SYT17: variants seen among roughly 807,000 people sequenced by gnomAD.
The protein encoded by SYT17 is synaptotagmin 17.
SYT17 carries 22 observed loss-of-function variants against 46.7 expected under a neutral mutation model. That is an observed-to-expected ratio of 0.47 (90% CI 0.34 to 0.67). The LOEUF is 0.67. Among genes scored for constraint, SYT17 ranks in the 30% least tolerant of loss-of-function variants. SYT17 has a pLI of 0.01. For missense variants in SYT17, 519 were observed against 612.8 expected (o/e 0.85, Z 1.62); for synonymous variants, 251 against 248.4 (o/e 1.01, Z -0.10).
At chr16:19,265,640 A>G (rs1289291687) in intron 7 of SYT17, among the ~76,000 whole-genome samples, 1 of 152,204 alleles carries the variant, frequency 6.6e-6, no homozygotes, top group Non-Finnish European at 1.5e-5. Context: ...TGCTCGGCTC[A>G]CGCTGGGTGA....
intron 5 of SYT17, chr16:19,211,496 G>T (rs1258366730): frequency 1.4e-6 from 1 of 703,798 alleles, no homozygotes; most frequent in Non-Finnish European, 2.6e-6. Flanking sequence ...GTGGTGTGAT[G>T]GGAAATGATG....
At chr16:19,211,301 A>G (rs989481811) in intron 5 of SYT17, 8 of 653,248 alleles carry the variant, frequency 1.2e-5, no homozygotes, top group Non-Finnish European at 1.7e-5. Context: ...CAGGGGGTGG[A>G]ACATCGTGCT....
In SYT17 at chr16:19,196,611, G is replaced by A. The variant is rs148800837; in HGVS notation, c.951+12464G>A. On this transcript the variant is annotated intron_variant, in intron 5 of 7. Coordinates refer to ENST00000355377, the MANE Select transcript of SYT17 (RefSeq NM_016524.4). ...TCTCAGGTTTATAGGAAAATTGAGA[G>A]GAAGGGACAAAGGTTTCCCATATAC... 2.9e-3 allele frequency among the ~76,000 whole-genome samples: 441 copies of A among 152,102 alleles called. 1 individual carries two copies. Among genetic ancestry groups the A allele is most frequent in the African/African-American group, 0.01 (419 of 41,472 alleles).
At chr16:19,195,573 G>T (rs1244245222) in intron 5 of SYT17, among the ~76,000 whole-genome samples, 2 of 151,874 alleles carry the variant, frequency 1.3e-5, no homozygotes, top group African/African-American at 4.8e-5. Context: ...AAAATTAGCT[G>T]GGCATGGTGG....
intron 7 of SYT17, among the ~76,000 whole-genome samples, chr16:19,235,871 T>C (rs559726719): frequency 3.9e-4 from 59 of 152,016 alleles, no homozygotes; most frequent in African/African-American, 1.4e-3. Flanking sequence ...CGAAGACAGA[T>C]CCAGAGAAAT....
At chr16:19,239,832 G>A (rs1467900522) in intron 7 of SYT17, among the ~76,000 whole-genome samples, 1 of 152,240 alleles carries the variant, frequency 6.6e-6, no homozygotes, top group African/African-American at 2.4e-5. Flanking sequence ...AGAGACTGGA[G>A]CAGAGTAGCA....
intron 7 of SYT17, among the ~76,000 whole-genome samples, chr16:19,228,721 G>T (rs187757198): frequency 6.6e-6 from 1 of 152,354 alleles, no homozygotes; most frequent in Admixed American, 6.5e-5. Flanking sequence ...TCTTAAGCCA[G>T]TATGTATCTC....
At chr16:19,193,318 C>G (rs1205607272) in intron 5 of SYT17, among the ~76,000 whole-genome samples, 8 of 152,188 alleles carry the variant, frequency 5.3e-5, no homozygotes, top group Non-Finnish European at 1.2e-4. Flanking sequence ...GATGCAGTAT[C>G]TTACATTACA....
chr16:19,247,885 A>G (rs893500563), intron 7 of SYT17, among the ~76,000 whole-genome samples: 1 of 152,262 alleles, frequency 6.6e-6, no homozygotes, highest in Non-Finnish European at 1.5e-5. Context: ...GGACTTCAAC[A>G]GGATTGAAAA....
In SYT17 at chr16:19,173,463, T is replaced by C; in HGVS notation, c.67T>C (p.Cys23Arg). The C allele has an allele frequency of 6.5e-7, 1 of 1,546,208 alleles. No homozygotes were observed. The highest frequency in any genetic ancestry group is 2.6e-5 in the East Asian group (1 of 38,708). Residue 23 changes from cysteine (C) to arginine (R), a missense_variant, in exon 3 of 8, where the codon TGC (cysteine) becomes CGC (arginine). Transcript: ENST00000355377. The part of the protein sequence containing the change: ...FLSRISGLLL[C>R]RWTCRHCCQK... Reference sequence around the variant, plus strand: ...TTCTAGAATCTCTGGTCTGCTGCTGTGCAGATGGACCTGCCGGCACTGCTG... The same window carrying C: ...TTCTAGAATCTCTGGTCTGCTGCTGCGCAGATGGACCTGCCGGCACTGCTG...
intron 5 of SYT17, among the ~76,000 whole-genome samples, chr16:19,209,715 C>CAAAA (rs150786893): frequency 1.1e-4 from 16 of 140,770 alleles, no homozygotes; most frequent in African/African-American, 4.1e-4. Flanking sequence ...CTAAAAAATA[C>CAAAA]AAAAAAAAAA....
chr16:19,216,825 A>G (rs755814244), intron 5 of SYT17, among the ~76,000 whole-genome samples: 23 of 152,194 alleles, frequency 1.5e-4, no homozygotes, highest in Non-Finnish European at 2.6e-4. Flanking sequence ...TATTGTGAAT[A>G]TTGCCACAAT....
At chr16:19,214,568 G>A (rs1966021111) in intron 5 of SYT17, among the ~76,000 whole-genome samples, 1 of 152,046 alleles carries the variant, frequency 6.6e-6, no homozygotes, top group African/African-American at 2.4e-5. Context: ...CTGGCTCCAG[G>A]AACACCCCAG....
rs551599916 is a variant in SYT17 at position 19,211,949 on chromosome 16, T to C, written c.952-11096T>C. Reference sequence around the variant, plus strand: ...CCAATGATCTTGTATTTTTAAAGAATAGAAAGAAGGCAGAGGCGGTTGGTG... The same window carrying C: ...CCAATGATCTTGTATTTTTAAAGAACAGAAAGAAGGCAGAGGCGGTTGGTG... On this transcript the variant is annotated intron_variant, in intron 5 of 7. Transcript: ENST00000355377. Among the ~76,000 whole-genome samples the C allele has an allele frequency of 4.6e-5, 7 of 152,180 alleles. No homozygotes were observed. The South Asian group carries it at 1.5e-3, about 32-fold the overall frequency.
intron 5 of SYT17, among the ~76,000 whole-genome samples, 154 bp from the exon 6 acceptor site, chr16:19,222,891 A>G (rs951256467): frequency 2.6e-5 from 4 of 152,194 alleles, no homozygotes; most frequent in Admixed American, 6.5e-5. Context: ...AATTAGAGGC[A>G]GAGATGAAAA....
chr16:19,169,645 A>T (rs972557795), intron 1 of SYT17: 2 of 152,180 alleles, frequency 1.3e-5, no homozygotes, highest in Non-Finnish European at 2.9e-5. Flanking sequence ...GTGCTGTGTC[A>T]CCTGGCGGAG....
intron 7 of SYT17, among the ~76,000 whole-genome samples, chr16:19,232,317 G>A (rs944607440): frequency 1.7e-4 from 26 of 152,248 alleles, no homozygotes; most frequent in Non-Finnish European, 3.1e-4. Context: ...AGAATATGGC[G>A]TCTCTATTTT....
At position 19,180,537 on chromosome 16, in the gene SYT17, CGAGT is replaced by C; in HGVS notation, c.330_331+2del. ...ACATACAGCCTGACGCGGAGGATTTCGAGTAAGTATCTCTGCTTTACCTTTCTGG... is the reference window on the plus strand; with the variant it reads ...ACATACAGCCTGACGCGGAGGATTTCAAGTATCTCTGCTTTACCTTTCTGG... On this transcript the variant is annotated splice_donor_variant and coding_sequence_variant, in exon 4 of 8. Transcript: ENST00000355377. LOFTEE classifies it high-confidence loss of function. 1 of 1,614,078 alleles carries C rather than the reference CGAGT, an allele frequency of 6.2e-7. No homozygotes were observed. Among genetic ancestry groups the C allele is most frequent in the Non-Finnish European group, 8.5e-7 (1 of 1,180,006 alleles).
At chr16:19,209,915 CAACAAA>C (rs1171501590) in intron 5 of SYT17, among the ~76,000 whole-genome samples, 3 of 151,522 alleles carry the variant, frequency 2.0e-5, no homozygotes, top group African/African-American at 7.3e-5. Context: ...ACAACAACAA[CAACAAA>C]AAACCCTAAG....
Sources: allele counts gnomAD v4.1 joint callset (sites outside exome capture counted in the v4.1 genomes callset), GRCh38; gene constraint gnomAD v4.1.1; transcripts MANE v1.5; gene names NCBI Gene and HGNC (gene_info 2026-07-23, HGNC 2026-07-21).